RAB40A: variants seen among roughly 807,000 people sequenced by gnomAD.
The protein encoded by RAB40A is RAB40A, member RAS oncogene family.
For missense variants in RAB40A, 145 were observed against 230.2 expected, an observed-to-expected ratio of 0.63 and a Z score of 2.40; for synonymous variants, 65 against 99.9, an observed-to-expected ratio of 0.65 and a Z score of 2.08.
At chrX:103,516,718 C>A (rs937375570) in intron 2 of RAB40A, among the ~76,000 whole-genome samples, 1 of 111,265 alleles carries the variant, frequency 9.0e-6, no homozygotes, top group East Asian at 2.8e-4. Flanking sequence ...GGTACTAGAT[C>A]TTTCTAAGGA....
intron 2 of RAB40A, among the ~76,000 whole-genome samples, chrX:103,505,987 C>A (rs1385839141): frequency 1.8e-5 from 2 of 111,889 alleles, no homozygotes; most frequent in African/African-American, 6.5e-5. Context: ...GCACTGTCAC[C>A]TGTGTCATAA....
chrX:103,506,529 C>G (rs73520351), intron 2 of RAB40A, among the ~76,000 whole-genome samples: 4,980 of 112,071 alleles, frequency 0.044, 264 homozygotes, highest in African/African-American at 0.15. Flanking sequence ...ATTGCCAATT[C>G]TTTACTTGCC....
chrX:103,503,476 T>C, intron 2 of RAB40A: 7 of 752,170 alleles, frequency 9.3e-6, no homozygotes, highest in Non-Finnish European at 1.1e-5. Flanking sequence ...CCATGTAGAT[T>C]TGGAGTCCAC....
At chrX:103,508,863 T>C (rs2073271227) in intron 2 of RAB40A, among the ~76,000 whole-genome samples, 2 of 111,612 alleles carry the variant, frequency 1.8e-5, no homozygotes, top group African/African-American at 6.5e-5. Flanking sequence ...CACTGTTTAG[T>C]GTGTGTGTGT....
intron 2 of RAB40A, among the ~76,000 whole-genome samples, chrX:103,512,327 C>T (rs183649389): frequency 1.4e-3 from 148 of 109,051 alleles, no homozygotes; most frequent in African/African-American, 4.9e-3. Flanking sequence ...TTTTTCTGTG[C>T]CCTGATCAAC....
chrX:103,516,420 T>C (rs2073316850), intron 2 of RAB40A, among the ~76,000 whole-genome samples: 1 of 111,911 alleles, frequency 8.9e-6, no homozygotes, highest in Non-Finnish European at 1.9e-5. Flanking sequence ...CAGTCAGCCA[T>C]GCAATCACGA....
At chrX:103,508,811 T>TC (rs2073270929) in intron 2 of RAB40A, among the ~76,000 whole-genome samples, 1 of 112,052 alleles carries the variant, frequency 8.9e-6, no homozygotes, top group African/African-American at 3.2e-5. Context: ...CCAGATCGCA[T>TC]CCGGGACACA....
intron 2 of RAB40A, among the ~76,000 whole-genome samples, chrX:103,513,532 T>C (rs1039133162): frequency 9.0e-6 from 1 of 111,091 alleles, no homozygotes; most frequent in African/African-American, 3.3e-5. Flanking sequence ...ACAAATCATA[T>C]CAAGTTCTAA....
chrX:103,511,601 A>G (rs368750359), intron 2 of RAB40A, among the ~76,000 whole-genome samples: 23 of 111,232 alleles, frequency 2.1e-4, no homozygotes, highest in African/African-American at 7.2e-4. Flanking sequence ...ACAAAAACAG[A>G]AAACCAAACA....
Position 103,500,652 on chromosome X carries a change from C to T in RAB40A, c.105G>A (p.Gln35=). 8.3e-7 allele frequency: 1 copy of T among 1,211,019 alleles called. No individual in the cohort carries two copies. Among genetic ancestry groups the T allele is most frequent in the African/African-American group, 1.7e-5 (1 of 57,474 alleles). Residue 35 remains glutamine (Q), a synonymous_variant, in exon 3 of 3, where the codon CAG becomes CAA. Coordinates refer to ENST00000304236, the MANE Select transcript of RAB40A (RefSeq NM_080879.3). ...TGTACGGGGACTCAGCTGCACCATC[C>T]TGCAGGCTCTCCAGGATCTCACTCT... ...VGKSEILESL[Q]DGAAESPYSH... is the part of the protein sequence containing the mutation.
chrX:103,511,872 T>C (rs1018160214), intron 2 of RAB40A, among the ~76,000 whole-genome samples: 1 of 111,745 alleles, frequency 8.9e-6, no homozygotes, highest in Admixed American at 9.5e-5. Context: ...GCAGATGTAA[T>C]CAAGTTAAGA....
rs958968873 is a variant in RAB40A, at chrX:103,517,373, C to T, written c.-71+1G>A. 6 of 111,028 alleles carry T rather than the reference C, an allele frequency of 5.4e-5. No homozygotes were observed. The highest frequency in any genetic ancestry group is 1.9e-4 in the Admixed American group (2 of 10,350). The allele number at this position is 111,028 out of a possible 1,213,427, so 9.1% of individuals were successfully genotyped here. On this transcript the variant is annotated splice_donor_variant, in intron 2 of 2. Coordinates refer to ENST00000304236, the MANE Select transcript of RAB40A (RefSeq NM_080879.3). LOFTEE classifies it low-confidence loss of function (5UTR_SPLICE). ...GAGGCCAACAGAGGGAAGAGACTCA[C>T]CCCAAAAACCACAGTCAGTTGATGG...
chrX:103,503,336 G>C (rs1324965136), intron 2 of RAB40A: 1 of 750,846 alleles, frequency 1.3e-6, no homozygotes, highest in Non-Finnish European at 1.6e-6. Flanking sequence ...GACTGAAAGG[G>C]AATGGGAGGA....
At chrX:103,498,704 G>A (rs1298357797), downstream of RAB40A, among the ~76,000 whole-genome samples, 3 of 112,261 alleles carry the variant, frequency 2.7e-5, no homozygotes, top group South Asian at 3.7e-4. Flanking sequence ...CCACAGCTCC[G>A]TGAGGCCAGA....
At chrX:103,498,857 T>C (rs757859409), downstream of RAB40A, among the ~76,000 whole-genome samples, 17 of 112,494 alleles carry the variant, frequency 1.5e-4, no homozygotes, top group Non-Finnish European at 2.6e-4. Flanking sequence ...ACAGTGTAAA[T>C]TGGAAAGTAA....
At position 103,500,371 on chromosome X, in the gene RAB40A, T is replaced by G. The variant is rs761009017; in HGVS notation, c.386A>C (p.His129Pro). 6 of 1,209,533 alleles carry G rather than the reference T, an allele frequency of 5.0e-6. No homozygotes were observed. The highest frequency in any genetic ancestry group is 6.7e-6 in the Non-Finnish European group (6 of 894,924). Residue 129 changes from histidine to proline, a missense_variant, in exon 3 of 3, where the codon CAT becomes CCT. Transcript: ENST00000304236. ...VPKILVGNRL[H>P]LAFKRQVPRE... ...GGGCACCTGCCTCTTGAATGCCAGA[T>G]GTAGGCGATTCCCCACCAGGATTTT...
chrX:103,500,623 T>TG lies in RAB40A; in HGVS notation c.133dup (p.His45ProfsTer66). The TG allele has an allele frequency of 8.3e-7, 1 of 1,209,719 alleles. No homozygotes were observed. The highest frequency in any genetic ancestry group is 1.1e-6 in the Non-Finnish European group (1 of 894,781). On this transcript the variant is annotated frameshift_variant, in exon 3 of 3. Coordinates refer to ENST00000304236, the MANE Select transcript of RAB40A (RefSeq NM_080879.3). LOFTEE classifies it low-confidence loss of function (END_TRUNC). ...CGTCTTGTAGTCGATCCCCCCGAGA[T>TG]GGCTGTACGGGGACTCAGCTGCACC...
chrX:103,496,017 G>A (rs1347888784), downstream of RAB40A, among the ~76,000 whole-genome samples: 13 of 111,669 alleles, frequency 1.2e-4, no homozygotes. Context: ...CACCATATAT[G>A]GGTTTACATG....
chrX:103,515,398 G>A (rs1189263729), intron 2 of RAB40A, among the ~76,000 whole-genome samples: 1 of 112,222 alleles, frequency 8.9e-6, no homozygotes, highest in East Asian at 2.8e-4. Context: ...TATAACATAT[G>A]AGTATGTTTG....
Sources: allele counts gnomAD v4.1 joint callset (sites outside exome capture counted in the v4.1 genomes callset), GRCh38; gene constraint gnomAD v4.1.1; transcripts MANE v1.5; gene names NCBI Gene and HGNC (gene_info 2026-07-23, HGNC 2026-07-21).